Variants in CUL5 observed in about 807,000 individuals in gnomAD.
CUL5 encodes the protein cullin 5.
In CUL5, 26 loss-of-function variants were observed where a neutral mutation model predicts 108.8. The ratio of observed to expected loss-of-function variants is 0.24; its 90% CI spans 0.18 to 0.33. CUL5 has a LOEUF of 0.33. CUL5 is among the 10% of genes least tolerant of loss of function. The pLI is 1.00. For missense variants in CUL5, 524 were observed against 909.2 expected (o/e 0.58, Z 5.45); for synonymous variants, 334 against 298.0 (o/e 1.12, Z -1.25).
At chr11:108,043,115 C>T (rs1188902013) in intron 2 of CUL5, among the ~76,000 whole-genome samples, 3 of 152,212 alleles carry the variant, frequency 2.0e-5, no homozygotes, top group African/African-American at 7.2e-5. Context: ...CTCTGTCGCT[C>T]AGGCTGGAGT....
intron 2 of CUL5, among the ~76,000 whole-genome samples, chr11:108,044,171 G>A (rs908638075): frequency 2.0e-5 from 3 of 152,120 alleles, no homozygotes; most frequent in Non-Finnish European, 4.4e-5. Flanking sequence ...AGTGAAAAAA[G>A]CATTCAAATT....
chr11:108,084,580 T>C (rs1405803875), intron 11 of CUL5, among the ~76,000 whole-genome samples: 2 of 152,212 alleles, frequency 1.3e-5, no homozygotes, highest in African/African-American at 4.8e-5. Context: ...ATCATCTTGT[T>C]CTTGTGTGAT....
chr11:108,105,164 G>T lies in CUL5; in HGVS notation c.*780G>T, dbSNP rs1175752392. On this transcript the variant is annotated 3_prime_UTR_variant, in exon 19 of 19. Coordinates refer to ENST00000393094, the MANE Select transcript of CUL5 (RefSeq NM_003478.6). Reference sequence around the variant, plus strand: ...TAGTTTAAAAAATTTATGGAGATAGGTAGGTCATTATGATTGCAGAGCCAA... The same window carrying T: ...TAGTTTAAAAAATTTATGGAGATAGTTAGGTCATTATGATTGCAGAGCCAA... 6.6e-6 allele frequency: 1 copy of T among 151,984 alleles called. No individual in the cohort carries two copies. The highest frequency in any genetic ancestry group is 1.5e-5 in the Non-Finnish European group (1 of 67,948). 9.4% of individuals were successfully genotyped at this position (151,984 alleles called of 1,614,324 possible).
chr11:108,059,977 T>C (rs1201715804), intron 7 of CUL5, among the ~76,000 whole-genome samples: 1 of 152,156 alleles, frequency 6.6e-6, no homozygotes, highest in African/African-American at 2.4e-5. Flanking sequence ...CCTGGCATGA[T>C]AGCTTTTACT....
intron 13 of CUL5, 128 bp from the exon 14 acceptor site, chr11:108,094,258 CAATAA>C: frequency 3.1e-6 from 2 of 646,532 alleles, no homozygotes; most frequent in Non-Finnish European, 5.1e-6. Flanking sequence ...AGGTATTAGA[CAATAA>C]AATTCTAATA....
At chr11:108,069,628 C>T (rs1165937672) in intron 7 of CUL5, among the ~76,000 whole-genome samples, 1 of 152,126 alleles carries the variant, frequency 6.6e-6, no homozygotes, top group Non-Finnish European at 1.5e-5. Flanking sequence ...TTACTGCCCT[C>T]CTCACTCTCA....
intron 1 of CUL5, among the ~76,000 whole-genome samples, chr11:108,018,519 A>T (rs970290686): frequency 4.0e-5 from 6 of 151,440 alleles, no homozygotes; most frequent in Non-Finnish European, 7.4e-5. Flanking sequence ...AAAAAAAAAT[A>T]CAAAAATTAG....
chr11:108,036,645 T>G (rs2135095162), intron 2 of CUL5, among the ~76,000 whole-genome samples: 1 of 152,270 alleles, frequency 6.6e-6, no homozygotes, highest in South Asian at 2.1e-4. Context: ...GCCAGGCTAA[T>G]TTTTGTATTT....
intron 11 of CUL5, among the ~76,000 whole-genome samples, chr11:108,088,034 G>T (rs1449973924): frequency 1.3e-5 from 2 of 151,464 alleles, no homozygotes; most frequent in Non-Finnish European, 2.9e-5. Flanking sequence ...TGCTTAGGAA[G>T]AATTCATTTA....
chr11:108,057,699 A>G, intron 7 of CUL5, among the ~76,000 whole-genome samples: 1 of 152,170 alleles, frequency 6.6e-6, no homozygotes, highest in East Asian at 1.9e-4. Flanking sequence ...TATATGCAAC[A>G]TGGGCTTGTG....
intron 2 of CUL5, among the ~76,000 whole-genome samples, chr11:108,038,814 A>G (rs1862813604): frequency 6.6e-6 from 1 of 152,162 alleles, no homozygotes; most frequent in South Asian, 2.1e-4. Flanking sequence ...GGCCATGTTA[A>G]TCGTTAACAT....
intron 7 of CUL5, among the ~76,000 whole-genome samples, chr11:108,064,903 C>G (rs1863635293): frequency 6.6e-6 from 1 of 152,052 alleles, no homozygotes; most frequent in Non-Finnish European, 1.5e-5. Context: ...ATTTTTCAGA[C>G]AGTTTGAGTA....
chr11:108,068,168 T>A (rs1024665864), intron 7 of CUL5, among the ~76,000 whole-genome samples: 9 of 152,198 alleles, frequency 5.9e-5, no homozygotes, highest in Admixed American at 3.9e-4. Flanking sequence ...TCCGCCCGCC[T>A]TAGCCTCCCA....
chr11:108,069,541 T>A (rs1159499860), intron 7 of CUL5, among the ~76,000 whole-genome samples: 7 of 151,660 alleles, frequency 4.6e-5, no homozygotes, highest in Non-Finnish European at 1.0e-4. Context: ...AGTTTCTAAG[T>A]TTTTTTTTAT....
Position 108,052,729 on chromosome 11 carries a change from A to G in CUL5, c.481A>G (p.Lys161Glu). The change falls in exon 5 of 19, where the codon AAG becomes GAG. Residue 161 changes from lysine to glutamate, a missense_variant. Around this residue, in one of 8 missense-constraint regions of CUL5, gnomAD observed 170 missense variants for 305.1 expected, o/e 0.56. Transcript: ENST00000393094. ...AAACAGACTCCAAGATAGTGCAATGAAGCTGGTACATGCTGAGAGATTGGG... is the reference window on the plus strand; with the variant it reads ...AAACAGACTCCAAGATAGTGCAATGGAGCTGGTACATGCTGAGAGATTGGG... Reference protein sequence around the residue: ...IKNRLQDSAMKLVHAERLGEA... With the variant: ...IKNRLQDSAMELVHAERLGEA... 6.2e-7 allele frequency: 1 copy of G among 1,613,604 alleles called. No individual in the cohort carries two copies.
chr11:108,102,176 C>T (rs1416230967), intron 18 of CUL5, among the ~76,000 whole-genome samples: 2 of 152,034 alleles, frequency 1.3e-5, no homozygotes, highest in African/African-American at 2.4e-5. Flanking sequence ...TGCTCGCCAC[C>T]ACACTGAGCT....
chr11:108,044,253 A>G (rs930577992), intron 2 of CUL5, among the ~76,000 whole-genome samples: 1 of 152,176 alleles, frequency 6.6e-6, no homozygotes, highest in Non-Finnish European at 1.5e-5. Flanking sequence ...CCAGTGGCTC[A>G]TGCCTATATG....
At chr11:108,015,703 T>C (rs1176114298) in intron 1 of CUL5, among the ~76,000 whole-genome samples, 1 of 152,204 alleles carries the variant, frequency 6.6e-6, no homozygotes, top group Non-Finnish European at 1.5e-5. Flanking sequence ...TTGTGATACA[T>C]GTAAATGGTA....
chr11:108,050,896 T>A (rs894611011), intron 4 of CUL5, among the ~76,000 whole-genome samples: 4 of 152,224 alleles, frequency 2.6e-5, no homozygotes, highest in Admixed American at 2.0e-4. Flanking sequence ...CAGTGCTGAA[T>A]ATGAAGGGTC....
Sources: gnomAD v4.1 joint callset for allele counts (sites outside exome capture counted in the v4.1 genomes callset) on GRCh38, gnomAD v4.1.1 for gene constraint, gnomAD v4.1.1 regional missense constraint, MANE v1.5 for transcripts, NCBI Gene and HGNC (gene_info 2026-07-23, HGNC 2026-07-21) for gene names.